CCDC7: variants seen among roughly 807,000 people sequenced by gnomAD.
CCDC7 encodes the protein coiled-coil domain-containing protein 7.
CCDC7 carries 183 observed loss-of-function variants against 196.9 expected under a neutral mutation model. The ratio of observed to expected loss-of-function variants is 0.93; its 90% CI spans 0.82 to 1.05. The LOEUF (loss-of-function observed/expected upper bound fraction) is 1.05. CCDC7 is among the 50% of genes least tolerant of loss of function. CCDC7 has a pLI of 0.00. For synonymous variants in CCDC7, 525 were observed against 484.6 expected, an observed-to-expected ratio of 1.08 and a Z score of -1.10; for missense variants, 1,540 against 1,482.2, an observed-to-expected ratio of 1.04 and a Z score of -0.64.
At chr10:32,589,878 AT>A (rs561525906) in intron 18 of CCDC7, among the ~76,000 whole-genome samples, 4 of 151,720 alleles carry the variant, frequency 2.6e-5, no homozygotes, top group African/African-American at 9.7e-5. Flanking sequence ...ACTCCTGCTG[AT>A]TTTTTTGGTT....
Position 32,702,405 on chromosome 10 carries a change from G to T in CCDC7, c.2458+7413G>T, listed in dbSNP as rs917442888. Among the ~76,000 whole-genome samples, 10 of 151,958 alleles carry T rather than the reference G, an allele frequency of 6.6e-5. 1 individual carries two copies. Among genetic ancestry groups the T allele is most frequent in the South Asian group, 2.1e-4 (1 of 4,812 alleles). On this transcript the variant is annotated intron_variant, in intron 24 of 41. Coordinates refer to ENST00000639629, the Ensembl canonical transcript of CCDC7. ...AGAGACAGTTTGTTATAATTTCTTT[G>T]CTTTTACATTTGCTGAGGAGTGCTT...
chr10:32,558,268 T>G (rs1828737551), intron 13 of CCDC7, among the ~76,000 whole-genome samples: 1 of 152,154 alleles, frequency 6.6e-6, no homozygotes, highest in Non-Finnish European at 1.5e-5. Flanking sequence ...TTCTTCTGAT[T>G]ATTATTATTT....
chr10:32,848,030 C>T (rs2136214384), intron 38 of CCDC7, 114 bp downstream of exon 39: 2 of 558,076 alleles, frequency 3.6e-6, no homozygotes, highest in Non-Finnish European at 5.9e-6. Flanking sequence ...CAAATGTCTT[C>T]ATGAATTTTC....
intron 18 of CCDC7, among the ~76,000 whole-genome samples, chr10:32,599,539 ATAGTG>A (rs886133571): frequency 1.1e-4 from 17 of 152,014 alleles, no homozygotes; most frequent in African/African-American, 4.1e-4. Flanking sequence ...GATTTTTTTC[ATAGTG>A]TAACATTTTT....
At chr10:32,587,153 C>T (rs527589646) in intron 18 of CCDC7, among the ~76,000 whole-genome samples, 2 of 152,312 alleles carry the variant, frequency 1.3e-5, no homozygotes, top group South Asian at 2.1e-4. Context: ...CCATCACTAA[C>T]ATCTATTTCC....
At chr10:32,694,184 T>C (rs1402127915) in intron 23 of CCDC7, among the ~76,000 whole-genome samples, 1 of 152,204 alleles carries the variant, frequency 6.6e-6, no homozygotes, top group Non-Finnish European at 1.5e-5. Flanking sequence ...TCACCACCAC[T>C]ATGACAACCA....
At chr10:32,706,203 C>T (rs368400490) in intron 24 of CCDC7, among the ~76,000 whole-genome samples, 13 of 152,224 alleles carry the variant, frequency 8.5e-5, no homozygotes, top group African/African-American at 3.1e-4. Context: ...ACTGAACAAC[C>T]TGCTCCTGAA....
intron 18 of CCDC7, among the ~76,000 whole-genome samples, chr10:32,596,357 C>A (rs570369652): frequency 6.6e-6 from 1 of 152,012 alleles, no homozygotes; most frequent in Non-Finnish European, 1.5e-5. Flanking sequence ...GGATTGCAAC[C>A]CTTACCTTTT....
At chr10:32,451,398 A>G (rs1225015899), upstream of CCDC7, among the ~76,000 whole-genome samples, 1 of 152,228 alleles carries the variant, frequency 6.6e-6, no homozygotes, top group Non-Finnish European at 1.5e-5. Context: ...AGATATTGTG[A>G]TAACTGCATT....
At chr10:32,563,492 G>T (rs2136765961) in intron 13 of CCDC7, among the ~76,000 whole-genome samples, 1 of 152,192 alleles carries the variant, frequency 6.6e-6, no homozygotes, top group Non-Finnish European at 1.5e-5. Flanking sequence ...CAGAAATAAT[G>T]CCACATATCT....
At chr10:32,703,939 A>G (rs921432122) in intron 24 of CCDC7, among the ~76,000 whole-genome samples, 1 of 151,626 alleles carries the variant, frequency 6.6e-6, no homozygotes, top group African/African-American at 2.4e-5. Flanking sequence ...AAGGTTTTTA[A>G]CTTCTTTGCC....
intron 25 of CCDC7, among the ~76,000 whole-genome samples, chr10:32,724,828 G>A (rs2082892317): frequency 6.6e-6 from 1 of 152,068 alleles, no homozygotes; most frequent in Non-Finnish European, 1.5e-5. Flanking sequence ...AGCATGGTTG[G>A]CCTGGAGAGA....
chr10:32,569,023 A>G (rs1458285088), intron 15 of CCDC7, among the ~76,000 whole-genome samples: 1 of 152,214 alleles, frequency 6.6e-6, no homozygotes, highest in East Asian at 1.9e-4. Context: ...TGACAGAAAA[A>G]GTTAAATAGT....
chr10:32,473,727 C>G (rs1248034811), intron 7 of CCDC7, among the ~76,000 whole-genome samples: 1 of 152,016 alleles, frequency 6.6e-6, no homozygotes, highest in East Asian at 1.9e-4. Context: ...TAAGAGAATA[C>G]AAGAGCAAAA....
chr10:32,665,241 A>G (rs2072399993), intron 21 of CCDC7, among the ~76,000 whole-genome samples: 1 of 152,044 alleles, frequency 6.6e-6, no homozygotes, highest in Admixed American at 6.6e-5. Context: ...ATTTGGAAAT[A>G]CTTTCTCTCA....
chr10:32,543,881 TATTAAAATA>T (rs2051950824), intron 12 of CCDC7, among the ~76,000 whole-genome samples: 1 of 152,016 alleles, frequency 6.6e-6, no homozygotes. Flanking sequence ...TAAACCCTAA[TATTAAAATA>T]ATTTTAAAAG....
intron 20 of CCDC7, among the ~76,000 whole-genome samples, chr10:32,639,510 T>C (rs1159295468): frequency 6.6e-6 from 1 of 152,230 alleles, no homozygotes; most frequent in African/African-American, 2.4e-5. Flanking sequence ...CCAGTAGTCA[T>C]TCAGGAGCAG....
chr10:32,797,116 C>G (rs2083703673), intron 29 of CCDC7, among the ~76,000 whole-genome samples: 2 of 151,674 alleles, frequency 1.3e-5, no homozygotes, highest in South Asian at 2.1e-4. Context: ...GTGGAACCAA[C>G]CTAAATGCCC....
intron 20 of CCDC7, among the ~76,000 whole-genome samples, chr10:32,663,384 T>C (rs555059943): frequency 5.3e-5 from 8 of 152,316 alleles, no homozygotes; most frequent in African/African-American, 1.9e-4. Context: ...GCATGTAGGG[T>C]CTATGCAAAT....
Sources: allele counts gnomAD v4.1 joint callset (sites outside exome capture counted in the v4.1 genomes callset), GRCh38; gene constraint gnomAD v4.1.1; transcripts MANE v1.5; gene names NCBI Gene and HGNC (gene_info 2026-07-23, HGNC 2026-07-21).